Variants in PATJ observed in about 807,000 individuals in gnomAD.
PATJ encodes inaD-like protein.
Under a neutral mutation model 224.9 loss-of-function variants are expected in PATJ, and 190 were observed. The ratio of observed to expected loss-of-function variants is 0.84; its 90% confidence interval spans 0.75 to 0.95. The LOEUF is 0.95. Ranked by LOEUF, PATJ falls within the 40% of genes least tolerant of loss-of-function variation. PATJ has a pLI of 0.00. For missense variants in PATJ, 2,121 were observed against 2,270.3 expected, an observed-to-expected ratio of 0.93 and a Z score of 1.34; for synonymous variants, 769 against 820.3, an observed-to-expected ratio of 0.94 and a Z score of 1.07.
At chr1:61,776,972 G>T (rs956541823) in intron 7 of PATJ, among the ~76,000 whole-genome samples, 4 of 152,166 alleles carry the variant, frequency 2.6e-5, no homozygotes, top group Non-Finnish European at 4.4e-5. Context: ...TGATCCGCCC[G>T]CCTTAGCCTC....
intron 1 of PATJ, among the ~76,000 whole-genome samples, chr1:61,751,565 C>T (rs550171218): frequency 6.6e-6 from 1 of 152,156 alleles, no homozygotes; most frequent in Non-Finnish European, 1.5e-5. Flanking sequence ...TTGTCTCTAG[C>T]CTGTAATCCC....
chr1:61,906,387 G>A (rs539881982), intron 24 of PATJ, among the ~76,000 whole-genome samples: 2 of 152,252 alleles, frequency 1.3e-5, no homozygotes, highest in African/African-American at 4.8e-5. Flanking sequence ...TTTGGTCTTT[G>A]TGGTGACTGG....
At chr1:61,888,348 C>G (rs1031453435) in intron 22 of PATJ, among the ~76,000 whole-genome samples, 2 of 152,174 alleles carry the variant, frequency 1.3e-5, no homozygotes, top group African/African-American at 4.8e-5. Context: ...ACCATCTCAG[C>G]TCACTGCAAC....
chr1:61,839,113 T>C (rs1660676081), intron 17 of PATJ, among the ~76,000 whole-genome samples: 1 of 152,122 alleles, frequency 6.6e-6, no homozygotes, highest in East Asian at 1.9e-4. Flanking sequence ...TTTTTTTCTT[T>C]CTTTTTCTTC....
intron 1 of PATJ, among the ~76,000 whole-genome samples, chr1:61,756,244 C>T (rs962177359): frequency 6.6e-6 from 1 of 152,160 alleles, no homozygotes; most frequent in African/African-American, 2.4e-5. Context: ...TCTTTTTTCC[C>T]CTTTCTGCTA....
At chr1:62,070,239 C>T (rs767561778) in intron 31 of PATJ, among the ~76,000 whole-genome samples, 4 of 152,170 alleles carry the variant, frequency 2.6e-5, no homozygotes, top group African/African-American at 7.2e-5. Flanking sequence ...TTTCTGTTTA[C>T]GAGGCAGGTT....
chr1:61,750,128 T>C (rs1260567043), intron 1 of PATJ, among the ~76,000 whole-genome samples: 2 of 152,248 alleles, frequency 1.3e-5, no homozygotes, highest in Non-Finnish European at 2.9e-5. Flanking sequence ...CTGTATTGAT[T>C]GCTTGCACTT....
chr1:61,929,257 T>C (rs920179249), intron 27 of PATJ, among the ~76,000 whole-genome samples: 1 of 152,246 alleles, frequency 6.6e-6, no homozygotes, highest in Non-Finnish European at 1.5e-5. Flanking sequence ...TGCCCAGTTA[T>C]TGGGAAACCT....
chr1:62,129,445 A>G (rs921367090), intron 41 of PATJ, among the ~76,000 whole-genome samples: 1 of 152,226 alleles, frequency 6.6e-6, no homozygotes, highest in Non-Finnish European at 1.5e-5. Flanking sequence ...CCCCAGCTGT[A>G]TTGTTCAGAG....
chr1:61,803,850 G>C (rs954278682), intron 12 of PATJ, among the ~76,000 whole-genome samples: 5 of 152,090 alleles, frequency 3.3e-5, no homozygotes, highest in Admixed American at 2.6e-4. Context: ...AATTATTTCA[G>C]ATCATCATGT....
intron 29 of PATJ, among the ~76,000 whole-genome samples, chr1:62,024,550 C>G (rs879602754): frequency 1.3e-5 from 2 of 151,936 alleles, no homozygotes; most frequent in Non-Finnish European, 2.9e-5. Flanking sequence ...AGATGGTCAT[C>G]AGGGATGACA....
rs1665998527 is a variant in PATJ, at chr1:62,128,925, T to C, written c.5251T>C (p.Tyr1751His). ...ADVVNLLKNAYGRIILQVVAD... is the reference protein window; with the variant it reads ...ADVVNLLKNAHGRIILQVVAD... ...TGTGGTTAATCTGCTGAAGAACGCCTACGGGCGCATTATCCTGCAGGTATT... is the reference window on the plus strand; with the variant it reads ...TGTGGTTAATCTGCTGAAGAACGCCCACGGGCGCATTATCCTGCAGGTATT... Residue 1751 changes from tyrosine (Y) to histidine (H), a missense_variant, in exon 41 of 44, where the codon TAC (tyrosine) becomes CAC (histidine). Physicochemically the swap from Tyr to His is moderately conservative, Grantham distance 83. Transcript: ENST00000642238. The C allele has an allele frequency of 1.9e-6, 3 of 1,610,590 alleles. No individual in the cohort carries two copies. Among genetic ancestry groups the C allele is most frequent in the African/African-American group, 2.7e-5 (2 of 75,050 alleles).
At position 61,827,554 on chromosome 1, in the gene PATJ, C is replaced by A; in HGVS notation, c.1951C>A (p.Arg651Ser). The change falls in exon 16 of 44, where the codon CGC (arginine) becomes AGC (serine). Residue 651 changes from arginine (R) to serine (S), a missense_variant. Physicochemically the swap from Arg to Ser is moderately radical, Grantham distance 110 (BLOSUM62 -1). Transcript: ENST00000642238. ...DDEASVDEPR[R>S]TETSLPETEV... ...TGAAGCTTCTGTAGATGAACCAAGG[C>A]GCACTGAAACCTCTCTTCCTGAGAC... 1 of 1,613,890 alleles carries A rather than the reference C, an allele frequency of 6.2e-7. No individual in the cohort carries two copies. The highest frequency in any genetic ancestry group is 8.5e-7 in the Non-Finnish European group (1 of 1,179,904).
At chr1:61,976,592 G>T (rs553957393) in intron 27 of PATJ, among the ~76,000 whole-genome samples, 1 of 151,986 alleles carries the variant, frequency 6.6e-6, no homozygotes, top group Admixed American at 6.6e-5. Flanking sequence ...ATTTTTAGTA[G>T]ACATGGGGTG....
intron 22 of PATJ, among the ~76,000 whole-genome samples, chr1:61,887,078 C>T (rs72676223): frequency 0.038 from 5,733 of 151,568 alleles, 150 homozygotes; most frequent in East Asian, 0.097. Context: ...GTATATAAGA[C>T]ATACAACATT....
chr1:61,933,634 T>G (rs9970060), intron 27 of PATJ, among the ~76,000 whole-genome samples: 6,589 of 152,256 alleles, frequency 0.043, 535 homozygotes, highest in African/African-American at 0.15. Context: ...GAAAGTCTTC[T>G]TTTCTAACTT....
At chr1:61,996,048 T>A (rs755906179) in intron 28 of PATJ, among the ~76,000 whole-genome samples, 1 of 152,208 alleles carries the variant, frequency 6.6e-6, no homozygotes, top group Non-Finnish European at 1.5e-5. Context: ...CCTTTTGAGA[T>A]AGAAGAAGTA....
At chr1:61,948,142 C>T (rs1679048926) in intron 27 of PATJ, among the ~76,000 whole-genome samples, 1 of 152,184 alleles carries the variant, frequency 6.6e-6, no homozygotes, top group Non-Finnish European at 1.5e-5. Context: ...CCATTCAGGA[C>T]ATAGGCATGG....
intron 3 of PATJ, 118 bp downstream of exon 3, chr1:61,763,297 AGACTGTATTGG>A: frequency 1.9e-6 from 1 of 535,552 alleles, no homozygotes; most frequent in East Asian, 3.3e-5. Flanking sequence ...TTCAGCAAAG[AGACTGTATTGG>A]GACCTGTAAC....
Sources: allele counts gnomAD v4.1 joint callset (sites outside exome capture counted in the v4.1 genomes callset), GRCh38; gene constraint gnomAD v4.1.1; transcripts MANE v1.5; gene names NCBI Gene and HGNC (gene_info 2026-07-23, HGNC 2026-07-21).